Variants in USP6NL observed in about 807,000 individuals in gnomAD.
USP6NL encodes the protein USP6 N-terminal like.
USP6NL carries 26 observed loss-of-function variants against 61.9 expected under a neutral mutation model. That is an observed-to-expected ratio of 0.42 (90% CI 0.31 to 0.58). The LOEUF is 0.58. Ranked by LOEUF, USP6NL falls within the 20% of genes least tolerant of loss-of-function variation. USP6NL has a pLI of 0.16. For missense variants in USP6NL, 1,114 were observed against 1,034.3 expected, an observed-to-expected ratio of 1.08 and a Z score of -1.06; for synonymous variants, 432 against 390.1, an observed-to-expected ratio of 1.11 and a Z score of -1.27.
At chr10:11,606,542 T>C (rs1257339186) in intron 1 of USP6NL, among the ~76,000 whole-genome samples, 3 of 152,114 alleles carry the variant, frequency 2.0e-5, no homozygotes, top group Non-Finnish European at 4.4e-5. Context: ...GGAAATTGAA[T>C]GTAAATGTTT....
rs1028901345 is a variant in USP6NL at position 11,548,495 on chromosome 10, T to C, written c.5-20928A>G. Among the ~76,000 whole-genome samples the C allele has an allele frequency of 2.0e-5, 3 of 152,226 alleles. No individual in the cohort carries two copies. Among genetic ancestry groups the C allele is most frequent in the African/African-American group, 4.8e-5 (2 of 41,450 alleles). ...TTAACTCATTTTCCATTTTGGTCCA[T>C]GACTATCCTATAAAGATCTTTGTAA... is the stretch of plus-strand genomic sequence containing the variant. On this transcript the variant is annotated intron_variant, in intron 2 of 14. Transcript: ENST00000609104. The surrounding 1 kb of genome is among the most constrained non-coding windows in gnomAD (Gnocchi z 4.3).
In USP6NL at chr10:11,528,813, T is replaced by C. The variant is rs908195454; in HGVS notation, c.5-1246A>G. Among the ~76,000 whole-genome samples, 1 of 151,498 alleles carries C rather than the reference T, an allele frequency of 6.6e-6. No individual in the cohort carries two copies. Among genetic ancestry groups the C allele is most frequent in the African/African-American group, 2.4e-5 (1 of 41,162 alleles). On this transcript the variant is annotated intron_variant, in intron 2 of 14. Coordinates refer to ENST00000609104, the MANE Select transcript of USP6NL (RefSeq NM_014688.5). The surrounding 1 kb of genome is among the most constrained non-coding windows in gnomAD (Gnocchi z 4.6). ...GCAAATGGTGGTTCCTAAGGAGAGG[T>C]GGGGTTAAAAACAAGGGAGCTGAGT... is the stretch of plus-strand genomic sequence containing the variant.
chr10:11,572,094 T>C (rs562669576), intron 2 of USP6NL, among the ~76,000 whole-genome samples: 2 of 152,056 alleles, frequency 1.3e-5, no homozygotes, highest in East Asian at 3.9e-4. Context: ...AAATTATTAT[T>C]CTTTTCCCTG....
chr10:11,566,667 A>G (rs958409700), intron 2 of USP6NL, among the ~76,000 whole-genome samples: 1 of 152,256 alleles, frequency 6.6e-6, no homozygotes, highest in Admixed American at 6.5e-5. Context: ...TGAGTACTTA[A>G]TATGTGGCTA....
At chr10:11,492,207 A>G (rs1190942188) in intron 8 of USP6NL, among the ~76,000 whole-genome samples, 2 of 152,206 alleles carry the variant, frequency 1.3e-5, no homozygotes, top group Non-Finnish European at 2.9e-5. Flanking sequence ...CTTGGTTACT[A>G]TCTTACTTGG....
rs775345892 is a variant in USP6NL, at chr10:11,495,949, G to A, written c.385-2721C>T. 2.6e-5 allele frequency among the ~76,000 whole-genome samples: 4 copies of A among 152,188 alleles called. No homozygotes were observed. The highest frequency in any genetic ancestry group is 5.9e-5 in the Non-Finnish European group (4 of 68,036). ...CCAAGCAGTTGGACTGGGGTTCCCT[G>A]AAGTCAGTACCTTTGGGTTTATTTT... On this transcript the variant is annotated intron_variant, in intron 7 of 14. Transcript: ENST00000609104. This position sits in a 1 kb window ranked among gnomAD's most constrained non-coding sequence, Gnocchi z 4.6.
At chr10:11,549,436 A>G (rs1316948989) in intron 2 of USP6NL, among the ~76,000 whole-genome samples, 1 of 152,112 alleles carries the variant, frequency 6.6e-6, no homozygotes, top group East Asian at 1.9e-4. Context: ...ATATCAACTC[A>G]TTCAGTTTTT....
intron 5 of USP6NL, among the ~76,000 whole-genome samples, chr10:11,514,712 T>C (rs1258640927): frequency 2.6e-5 from 4 of 152,224 alleles, no homozygotes; most frequent in Admixed American, 2.6e-4. Flanking sequence ...TGATTCCCTG[T>C]AGTGGAGAAG....
chr10:11,508,148 A>G (rs1030181486), intron 6 of USP6NL, among the ~76,000 whole-genome samples: 3 of 150,522 alleles, frequency 2.0e-5, no homozygotes, highest in Non-Finnish European at 4.4e-5. Flanking sequence ...TTTTGCTAGT[A>G]GGACTAAGTT....
rs1166515614 is a variant in USP6NL at position 11,462,393 on chromosome 10, A to G, written c.*48T>C. 3 of 1,573,412 alleles carry G rather than the reference A, an allele frequency of 1.9e-6. No homozygotes were observed. The highest frequency in any genetic ancestry group is 2.6e-6 in the Non-Finnish European group (3 of 1,159,472). Reference sequence around the variant, plus strand: ...TTGGCAATTATGAACATAGCAATGTAGGTTTCACGTGGTTTCTCTCTCGTC... The same window carrying G: ...TTGGCAATTATGAACATAGCAATGTGGGTTTCACGTGGTTTCTCTCTCGTC... On this transcript the variant is annotated 3_prime_UTR_variant, in exon 15 of 15. Coordinates refer to ENST00000609104, the MANE Select transcript of USP6NL (RefSeq NM_014688.5).
rs1838179534 is a variant in USP6NL at position 11,592,262 on chromosome 10, C to T, written c.4+5369G>A. On this transcript the variant is annotated intron_variant, in intron 2 of 14. Transcript: ENST00000609104. The surrounding 1 kb of genome is among the most constrained non-coding windows in gnomAD (Gnocchi z 4.7). ...ATTCCACTTTAAATAGTGTTAATAA[C>T]AACGAAGTACACTAAACTAAGAAAG... Among the ~76,000 whole-genome samples the T allele has an allele frequency of 2.0e-5, 3 of 152,162 alleles. No homozygotes were observed. Among genetic ancestry groups the T allele is most frequent in the Admixed American group, 2.0e-4 (3 of 15,270 alleles).
At chr10:11,579,655 C>A (rs61844598) in intron 2 of USP6NL, among the ~76,000 whole-genome samples, 12,785 of 152,234 alleles carry the variant, frequency 0.084, 626 homozygotes, top group South Asian at 0.19. Context: ...CCTCTCTCCC[C>A]ATACCTACAA....
At chr10:11,583,167 A>C (rs1236297993) in intron 2 of USP6NL, among the ~76,000 whole-genome samples, 1 of 150,932 alleles carries the variant, frequency 6.6e-6, no homozygotes, top group East Asian at 1.9e-4. Flanking sequence ...TCTAATTTAC[A>C]TATTATTATG....
rs1437390827 is a variant in USP6NL, at chr10:11,560,708, T to C, written c.5-33141A>G. ...AGGCCTCCAAACAGTAAAAAATATA[T>C]ATATATTATATATATATATATATAT... On this transcript the variant is annotated intron_variant, in intron 2 of 14. Transcript: ENST00000609104. Among the ~76,000 whole-genome samples, 5 of 107,850 alleles carry C rather than the reference T, an allele frequency of 4.6e-5. 1 individual carries two copies. The highest frequency in any genetic ancestry group is 3.9e-4 in the South Asian group (1 of 2,584). The allele number at this position is 107,850 out of a possible 152,430, so 70.8% of individuals were successfully genotyped here.
rs549469208 is a variant in USP6NL at position 11,485,370 on chromosome 10, A to G, written c.760-136T>C. On this transcript the variant is annotated intron_variant, in intron 11 of 14. Coordinates refer to ENST00000609104, the MANE Select transcript of USP6NL (RefSeq NM_014688.5). This position sits in a 1 kb window ranked among gnomAD's most constrained non-coding sequence, Gnocchi z 4.8. ...CTTCTCAAAATCACTCCAAGAATAA[A>G]TTCCTCTTAGGACTGTAATACAACA... 16 of 677,480 alleles carry G rather than the reference A, an allele frequency of 2.4e-5. No homozygotes were observed. In the Admixed American group the frequency reaches 4.0e-4, roughly 17 times the overall value. The allele number at this position is 677,480 out of a possible 1,614,324, so 42.0% of individuals were successfully genotyped here.
At position 11,525,499 on chromosome 10, in the gene USP6NL, CAG is replaced by C; in HGVS notation, c.73-33_73-32del. 2.0e-6 allele frequency: 3 copies of C among 1,525,214 alleles called. No individual in the cohort carries two copies. Among genetic ancestry groups the C allele is most frequent in the Non-Finnish European group, 2.6e-6 (3 of 1,139,080 alleles). The allele number at this position is 1,525,214 out of a possible 1,614,324, so 94.5% of individuals were successfully genotyped here. On this transcript the variant is annotated intron_variant, in intron 3 of 14. Coordinates refer to ENST00000609104, the MANE Select transcript of USP6NL (RefSeq NM_014688.5). This position sits in a 1 kb window ranked among gnomAD's most constrained non-coding sequence, Gnocchi z 5.0. The stretch of plus-strand genomic sequence containing the variant: ...ATAAGGCACAAAAAAAGGTGTTAAT[CAG>C]AGTTTATAAAACTGAATAATTTTTT...
In USP6NL at chr10:11,490,775, G is replaced by T; in HGVS notation, c.543+57C>A. 2 of 1,510,328 alleles carry T rather than the reference G, an allele frequency of 1.3e-6. No individual in the cohort carries two copies. Among genetic ancestry groups the T allele is most frequent in the Non-Finnish European group, 8.9e-7 (1 of 1,118,756 alleles). 93.6% of individuals were successfully genotyped at this position (1,510,328 alleles called of 1,614,324 possible). ...AAATGTGCCCACAGGGCCCTGCTAAGTAGGGAGTACCTCAGAATACAACTC... is the reference window on the plus strand; with the variant it reads ...AAATGTGCCCACAGGGCCCTGCTAATTAGGGAGTACCTCAGAATACAACTC... On this transcript the variant is annotated intron_variant, in intron 9 of 14. Coordinates refer to ENST00000609104, the MANE Select transcript of USP6NL (RefSeq NM_014688.5). This position sits in a 1 kb window ranked among gnomAD's most constrained non-coding sequence, Gnocchi z 4.5.
rs1838094750 is a variant in USP6NL at position 11,589,657 on chromosome 10, C to A, written c.4+7974G>T. 6.6e-6 allele frequency among the ~76,000 whole-genome samples: 1 copy of A among 152,178 alleles called. No individual in the cohort carries two copies. The highest frequency in any genetic ancestry group is 1.5e-5 in the Non-Finnish European group (1 of 68,026). On this transcript the variant is annotated intron_variant, in intron 2 of 14. Transcript: ENST00000609104. The surrounding 1 kb of genome is among the most constrained non-coding windows in gnomAD (Gnocchi z 4.7). ...ACAGTGCTTTACTGTAGTGTTCAAA[C>A]CTTTACTAAGGCATCCTATAAATTC... is the stretch of plus-strand genomic sequence containing the variant.
Position 11,481,913 on chromosome 10 carries a change from AT to A in USP6NL, c.934del (p.Met312Ter). The stretch of plus-strand genomic sequence containing the variant: ...TACAAGTTCTTCCATGGACAATTTC[AT>A]TAGATGTTCTAAGAAAGGATAAGAG... ...TILKLHKKHL[M>X]KLSMEELVEF... is the part of the protein sequence containing the mutation. On this transcript the variant is annotated frameshift_variant, in exon 14 of 15. Coordinates refer to ENST00000609104, the MANE Select transcript of USP6NL (RefSeq NM_014688.5). LOFTEE classifies it high-confidence loss of function. This position sits in a 1 kb window ranked among gnomAD's most constrained non-coding sequence, Gnocchi z 4.4. 1 of 1,607,012 alleles carries A rather than the reference AT, an allele frequency of 6.2e-7. No individual in the cohort carries two copies. Among genetic ancestry groups the A allele is most frequent in the Non-Finnish European group, 8.5e-7 (1 of 1,177,358 alleles).
Sources: allele counts gnomAD v4.1 joint callset (sites outside exome capture counted in the v4.1 genomes callset), GRCh38; gene constraint gnomAD v4.1.1; non-coding constraint Gnocchi (gnomAD v3.1); transcripts MANE v1.5; gene names NCBI Gene and HGNC (gene_info 2026-07-23, HGNC 2026-07-21).